CREM: variants seen among roughly 807,000 people sequenced by gnomAD.
The protein encoded by CREM is cAMP responsive element modulator.
A neutral mutation model predicts 37.3 loss-of-function variants in CREM; 13 were observed. That is an observed-to-expected ratio of 0.35 (90% CI 0.23 to 0.55). CREM has a LOEUF of 0.55. CREM is among the 20% of genes least tolerant of loss of function. The probability of loss-of-function intolerance (pLI) is 0.88; values close to 1 mark genes in which losing one functional copy is unlikely to be tolerated. For missense variants in CREM, 296 were observed against 362.3 expected (o/e 0.82, Z 1.49); for synonymous variants, 124 against 120.2 (o/e 1.03, Z -0.21).
At chr10:35,188,423 T>TA in intron 6 of CREM, 35 bp downstream of exon 6, 1 of 1,534,830 alleles carries the variant, frequency 6.5e-7, no homozygotes, top group Non-Finnish European at 8.9e-7. Flanking sequence ...TTAGAATACC[T>TA]ATGGATTACT....
intron 6 of CREM, among the ~76,000 whole-genome samples, chr10:35,191,257 G>A (rs1053391744): frequency 4.6e-5 from 7 of 152,044 alleles, no homozygotes; most frequent in African/African-American, 1.7e-4. Flanking sequence ...TGTTGCTGGT[G>A]TAGAGAAATA....
intron 1 of CREM, 89 bp from the exon 2 acceptor site, chr10:35,137,693 A>T: frequency 2.0e-6 from 1 of 504,848 alleles, no homozygotes; most frequent in Non-Finnish European, 3.4e-6. Flanking sequence ...CCTTGTTTTG[A>T]GAGGTTTTAA....
At chr10:35,176,805 A>T (rs1183425519) in intron 3 of CREM, among the ~76,000 whole-genome samples, 1 of 152,188 alleles carries the variant, frequency 6.6e-6, no homozygotes, top group Non-Finnish European at 1.5e-5. Flanking sequence ...TAAATTCGGT[A>T]TACATAATTC....
intron 2 of CREM, among the ~76,000 whole-genome samples, chr10:35,139,588 A>G (rs1006511649): frequency 5.3e-5 from 8 of 152,012 alleles, no homozygotes; most frequent in African/African-American, 1.7e-4. Context: ...ATAATTGCCC[A>G]TTGGTTCTTT....
intron 3 of CREM, among the ~76,000 whole-genome samples, chr10:35,173,146 AC>A (rs2093901205): frequency 1.3e-5 from 2 of 152,204 alleles, no homozygotes; most frequent in Admixed American, 1.3e-4. Context: ...ACAAAATCTT[AC>A]GTGGGTAAGA....
At chr10:35,134,055 GT>G (rs143726656) in intron 1 of CREM, among the ~76,000 whole-genome samples, 102 of 131,482 alleles carry the variant, frequency 7.8e-4, no homozygotes, top group Middle Eastern at 3.8e-3. Flanking sequence ...AAAGTTTTTT[GT>G]TTTTTTTTTT....
intron 3 of CREM, among the ~76,000 whole-genome samples, chr10:35,170,521 A>T (rs553798980): frequency 3.9e-5 from 6 of 152,148 alleles, no homozygotes. Context: ...CTGTGAATCC[A>T]TCTGGTCCTG....
rs1035866550 is a variant in CREM, at chr10:35,212,845, G to A, written c.*1447G>A. ...AAGTCCACATTAGATCAGATACTCC[G>A]CTGTCGGCACATTCAGCTGAGGTTC... On this transcript the variant is annotated 3_prime_UTR_variant, in exon 8 of 8. Coordinates refer to ENST00000685392, the MANE Select transcript of CREM (RefSeq NM_183011.2). 1 of 152,676 alleles carries A rather than the reference G, an allele frequency of 6.5e-6. No individual in the cohort carries two copies. The highest frequency in any genetic ancestry group is 1.9e-4 in the East Asian group (1 of 5,338). 9.5% of individuals were successfully genotyped at this position (152,676 alleles called of 1,614,324 possible). A position where few individuals can be genotyped will look rare whatever the true frequency, so the allele number is the denominator to read the frequency against.
At chr10:35,137,968 A>C in intron 2 of CREM, 89 bp downstream of exon 2, 1 of 926,754 alleles carries the variant, frequency 1.1e-6, no homozygotes, top group East Asian at 2.9e-5. Context: ...ATGTACACAT[A>C]CATGTATGTA....
intron 6 of CREM, among the ~76,000 whole-genome samples, chr10:35,205,107 G>C (rs961876669): frequency 6.6e-6 from 1 of 152,142 alleles, no homozygotes; most frequent in Non-Finnish European, 1.5e-5. Flanking sequence ...ACTAACTCTG[G>C]ACCATACGTT....
chr10:35,186,600 T>A (rs1036826683), intron 5 of CREM, among the ~76,000 whole-genome samples: 6 of 145,696 alleles, frequency 4.1e-5, no homozygotes, highest in Admixed American at 7.0e-5. Flanking sequence ...AAATATGTTT[T>A]TATATATATT....
chr10:35,173,344 G>A (rs904928060), intron 3 of CREM, among the ~76,000 whole-genome samples: 6 of 152,148 alleles, frequency 3.9e-5, no homozygotes, highest in Admixed American at 1.3e-4. Flanking sequence ...GAGTCTTTGT[G>A]AGGCCCAGAT....
chr10:35,153,492 A>G (rs2092716363), intron 3 of CREM, among the ~76,000 whole-genome samples: 1 of 152,170 alleles, frequency 6.6e-6, no homozygotes, highest in Non-Finnish European at 1.5e-5. Context: ...CAAATGTATG[A>G]TCTACTCTGA....
At chr10:35,181,474 C>T (rs1446527468) in intron 5 of CREM, among the ~76,000 whole-genome samples, 1 of 152,168 alleles carries the variant, frequency 6.6e-6, no homozygotes, top group Non-Finnish European at 1.5e-5. Flanking sequence ...GGTACCTGCT[C>T]ACAGCAGGGG....
chr10:35,160,625 A>T (rs1360039757), intron 3 of CREM, among the ~76,000 whole-genome samples: 1 of 152,166 alleles, frequency 6.6e-6, no homozygotes, highest in African/African-American at 2.4e-5. Flanking sequence ...GGTTACACTA[A>T]ATTCATAAAA....
At chr10:35,183,791 T>G (rs1590080918) in intron 5 of CREM, among the ~76,000 whole-genome samples, 1 of 152,220 alleles carries the variant, frequency 6.6e-6, no homozygotes, top group Non-Finnish European at 1.5e-5. Context: ...GTATATAACA[T>G]GGGCCGGGCG....
At chr10:35,192,336 T>TGTTTTGTTTTGTTTC (rs1219028905) in intron 6 of CREM, among the ~76,000 whole-genome samples, 1 of 152,118 alleles carries the variant, frequency 6.6e-6, no homozygotes, top group Non-Finnish European at 1.5e-5. Context: ...GCATTGCACT[T>TGTTTTGTTTTGTTTC]GTTTTGTTTT....
At chr10:35,161,053 A>G (rs1158751159) in intron 3 of CREM, among the ~76,000 whole-genome samples, 1 of 152,186 alleles carries the variant, frequency 6.6e-6, no homozygotes, top group Non-Finnish European at 1.5e-5. Flanking sequence ...AAATAATAAT[A>G]AAAAGTATGG....
intron 7 of CREM, chr10:35,210,660 C>T (rs1422078478): frequency 6.6e-6 from 1 of 152,076 alleles, no homozygotes; most frequent in Non-Finnish European, 1.5e-5. Flanking sequence ...CTGTCCATTT[C>T]ATTTCGGTTT....
Sources: allele counts gnomAD v4.1 joint callset (sites outside exome capture counted in the v4.1 genomes callset), GRCh38; gene constraint gnomAD v4.1.1; transcripts MANE v1.5; gene names NCBI Gene and HGNC (gene_info 2026-07-23, HGNC 2026-07-21).